Variants in SNX31 observed in about 807,000 individuals in gnomAD.
SNX31 encodes the protein sorting nexin-31.
In SNX31, 58 loss-of-function variants were observed where a neutral mutation model predicts 65.4. The ratio of observed to expected loss-of-function variants is 0.89; its 90% confidence interval spans 0.72 to 1.10. The LOEUF (loss-of-function observed/expected upper bound fraction) is 1.10, where lower values mean the gene tolerates loss of function less well. Ranked by LOEUF, SNX31 falls within the 50% of genes least tolerant of loss-of-function variation. The pLI is 0.00. For synonymous variants in SNX31, 181 were observed against 190.1 expected (o/e 0.95, Z 0.39); for missense variants, 523 against 529.7 (o/e 0.99, Z 0.12).
chr8:100,605,317 T>C (rs1175640670), intron 8 of SNX31, among the ~76,000 whole-genome samples: 1 of 152,178 alleles, frequency 6.6e-6, no homozygotes, highest in African/African-American at 2.4e-5. Context: ...AATTTTCTTC[T>C]GGGGAGAGCC....
rs1170542193 is a variant in SNX31, at chr8:100,614,612, T to C, written c.433-1527A>G. ...CATTGAGGCCCGGCACGGTGGCTCA[T>C]GCCTGTAATCCCAGCACTTTGGAAG... On this transcript the variant is annotated intron_variant, in intron 5 of 13. Coordinates refer to ENST00000311812, the MANE Select transcript of SNX31 (RefSeq NM_152628.4). The surrounding 1 kb of genome is among the most constrained non-coding windows in gnomAD (Gnocchi z 5.1). 1.3e-5 allele frequency among the ~76,000 whole-genome samples: 2 copies of C among 152,080 alleles called. No homozygotes were observed. Among genetic ancestry groups the C allele is most frequent in the Admixed American group, 6.6e-5 (1 of 15,258 alleles).
intron 3 of SNX31, 87 bp downstream of exon 3, chr8:100,635,810 G>T (rs1479451115): frequency 1.2e-6 from 1 of 828,048 alleles, no homozygotes; most frequent in Middle Eastern, 2.7e-4. Flanking sequence ...TATTGTAAAA[G>T]AATTGTACAC....
At position 100,584,161 on chromosome 8, in the gene SNX31, T is replaced by C. The variant is rs1373173564; in HGVS notation, c.1120A>G (p.Lys374Glu). Residue 374 changes from lysine to glutamate, a missense_variant, in exon 12 of 14, where the codon AAG becomes GAG. Lys to Glu is a moderately conservative substitution (Grantham distance 56). Transcript: ENST00000311812. ...QAFLLSSCLK[K>E]MISEKMVKLA... ...TTTACCATCTTTTCTGAGATCATCT[T>C]TTTCAAGCAGCTACTCAGCAAAAAA... is the stretch of plus-strand genomic sequence containing the variant. 2 of 1,600,504 alleles carry C rather than the reference T, an allele frequency of 1.2e-6. No homozygotes were observed. The highest frequency in any genetic ancestry group is 1.7e-6 in the Non-Finnish European group (2 of 1,174,686).
intron 2 of SNX31, among the ~76,000 whole-genome samples, chr8:100,641,595 T>TATATATATATACACAC (rs1241411821): frequency 4.5e-5 from 1 of 22,108 alleles, no homozygotes; most frequent in African/African-American, 3.1e-4. Flanking sequence ...TATATATATA[T>TATATATATATACACAC]ACACATACAC....
chr8:100,642,803 C>T (rs1343960009), intron 2 of SNX31, among the ~76,000 whole-genome samples: 1 of 152,302 alleles, frequency 6.6e-6, no homozygotes, highest in East Asian at 1.9e-4. Context: ...AAAAGGAAAA[C>T]ATATCTGTTC....
chr8:100,578,334 T>C lies in SNX31; in HGVS notation c.1171-1259A>G, dbSNP rs903799680. ...ACTCAAGCAAGTTGCAGTATTTATT[T>C]ACCCTACAATTGTCAACGTCTCTGT... On this transcript the variant is annotated intron_variant, in intron 12 of 13. Coordinates refer to ENST00000311812, the MANE Select transcript of SNX31 (RefSeq NM_152628.4). This position sits in a 1 kb window ranked among gnomAD's most constrained non-coding sequence, Gnocchi z 4.7. Among the ~76,000 whole-genome samples the C allele has an allele frequency of 1.3e-5, 2 of 152,226 alleles. No individual in the cohort carries two copies. The highest frequency in any genetic ancestry group is 6.5e-5 in the Admixed American group (1 of 15,284).
Position 100,573,280 on chromosome 8 carries a change from G to A in SNX31, c.*585C>T, listed in dbSNP as rs1044201765. The A allele has an allele frequency of 6.6e-6, 1 of 152,118 alleles. No homozygotes were observed. The highest frequency in any genetic ancestry group is 1.5e-5 in the Non-Finnish European group (1 of 68,018). The allele number at this position is 152,118 out of a possible 1,614,324, so 9.4% of individuals were successfully genotyped here. ...GTTTCACTTTGAGTACATCCATATT[G>A]GTAGGCTCAGACTTATGTGAGGAAA... On this transcript the variant is annotated 3_prime_UTR_variant, in exon 14 of 14. Transcript: ENST00000311812.
chr8:100,600,139 A>G (rs958039669), intron 9 of SNX31, among the ~76,000 whole-genome samples: 14 of 152,174 alleles, frequency 9.2e-5, no homozygotes, highest in Middle Eastern at 3.4e-3. Flanking sequence ...AGGACTCACA[A>G]TATACCGTCT....
chr8:100,589,035 G>A (rs542848062), intron 10 of SNX31, 56 bp from the exon 11 acceptor site: 93 of 1,402,318 alleles, frequency 6.6e-5, no homozygotes, highest in African/African-American at 6.1e-4. Context: ...TTAATTTGCC[G>A]GGCACGGTGG....
Position 100,604,116 on chromosome 8 carries a change from G to C in SNX31, c.682-3675C>G, listed in dbSNP as rs1177352914. Among the ~76,000 whole-genome samples the C allele has an allele frequency of 6.6e-6, 1 of 152,152 alleles. No homozygotes were observed. The highest frequency in any genetic ancestry group is 1.5e-5 in the Non-Finnish European group (1 of 68,040). ...CAACTCAAATGTGATATTATACAGT[G>C]CCTCACTCTGAGTAGGTCCAGACAA... is the stretch of plus-strand genomic sequence containing the variant. On this transcript the variant is annotated intron_variant, in intron 8 of 13. Transcript: ENST00000311812. This position sits in a 1 kb window ranked among gnomAD's most constrained non-coding sequence, Gnocchi z 4.3.
At chr8:100,627,232 A>T (rs1818101604) in intron 4 of SNX31, among the ~76,000 whole-genome samples, 1 of 152,200 alleles carries the variant, frequency 6.6e-6, no homozygotes, top group Non-Finnish European at 1.5e-5. Context: ...CATGCCTTTA[A>T]TCCCAGCTAC....
At chr8:100,620,814 C>T (rs1817628503) in intron 4 of SNX31, among the ~76,000 whole-genome samples, 1 of 152,030 alleles carries the variant, frequency 6.6e-6, no homozygotes, top group Non-Finnish European at 1.5e-5. Context: ...AAATAACTTG[C>T]CCAGGCCGAG....
In SNX31 at chr8:100,589,795, A is replaced by T. The variant is rs187483855; in HGVS notation, c.979-816T>A. On this transcript the variant is annotated intron_variant, in intron 10 of 13. Coordinates refer to ENST00000311812, the MANE Select transcript of SNX31 (RefSeq NM_152628.4). Reference sequence around the variant, plus strand: ...TGATTTTTGCTTTGCAGCATCCATCATTCTTTTTCCTAGTAATGGAGTCTC... The same window carrying T: ...TGATTTTTGCTTTGCAGCATCCATCTTTCTTTTTCCTAGTAATGGAGTCTC... Among the ~76,000 whole-genome samples, 333 of 152,356 alleles carry T rather than the reference A, an allele frequency of 2.2e-3. 1 individual carries two copies. The highest frequency in any genetic ancestry group is 6.8e-3 in the Middle Eastern group (2 of 294).
At position 100,629,271 on chromosome 8, in the gene SNX31, G is replaced by A. The variant is rs190645960; in HGVS notation, c.321+1056C>T. Among the ~76,000 whole-genome samples, 1 of 152,322 alleles carries A rather than the reference G, an allele frequency of 6.6e-6. No homozygotes were observed. The highest frequency in any genetic ancestry group is 1.9e-4 in the East Asian group (1 of 5,192). On this transcript the variant is annotated intron_variant, in intron 4 of 13. Transcript: ENST00000311812. The surrounding 1 kb of genome is among the most constrained non-coding windows in gnomAD (Gnocchi z 5.1). ...TAGACTATACACAACAGTTGTCACT[G>A]AGGAGGGGGATCATAAGGGAAGAAA... is the stretch of plus-strand genomic sequence containing the variant.
At chr8:100,643,526 C>T (rs932966160) in intron 2 of SNX31, among the ~76,000 whole-genome samples, 2 of 152,186 alleles carry the variant, frequency 1.3e-5, no homozygotes, top group African/African-American at 2.4e-5. Context: ...CATCTAGCAC[C>T]TAAGAGCATG....
intron 1 of SNX31, among the ~76,000 whole-genome samples, chr8:100,662,435 C>T (rs984716081): frequency 1.3e-5 from 2 of 152,202 alleles, no homozygotes; most frequent in South Asian, 2.1e-4. Context: ...TGGTGGCTCA[C>T]GCCTGTAATC....
intron 2 of SNX31, among the ~76,000 whole-genome samples, chr8:100,641,564 AAATATATATAT>A (rs1258943748): frequency 3.1e-3 from 83 of 26,794 alleles, no homozygotes; most frequent in African/African-American, 0.022. Context: ...AAAAAAAAAA[AAATATATATAT>A]ATATATATAT....
chr8:100,633,223 C>T (rs905437734), intron 3 of SNX31, among the ~76,000 whole-genome samples: 10 of 151,776 alleles, frequency 6.6e-5, no homozygotes, highest in African/African-American at 9.7e-5. Flanking sequence ...GCTACCATGC[C>T]GAGCCTAATT....
intron 3 of SNX31, among the ~76,000 whole-genome samples, chr8:100,635,647 T>C (rs2131215441): frequency 6.6e-6 from 1 of 152,090 alleles, no homozygotes; most frequent in Middle Eastern, 3.4e-3. Context: ...TAGGCAAATC[T>C]TTAGAGATAA....
Sources: allele counts gnomAD v4.1 joint callset (sites outside exome capture counted in the v4.1 genomes callset), GRCh38; gene constraint gnomAD v4.1.1; non-coding constraint Gnocchi (gnomAD v3.1); transcripts MANE v1.5; gene names NCBI Gene and HGNC (gene_info 2026-07-23, HGNC 2026-07-21).